Variants in WDR70 observed in about 807,000 individuals in gnomAD.
WDR70 encodes WD repeat domain 70.
A neutral mutation model predicts 88.6 loss-of-function variants in WDR70; 53 were observed. The ratio of observed to expected loss-of-function variants is 0.60; its 90% CI spans 0.48 to 0.75. The LOEUF is 0.75. Ranked by LOEUF, WDR70 falls within the 30% of genes least tolerant of loss-of-function variation. WDR70 has a pLI of 0.00. For missense variants in WDR70, 610 were observed against 823.2 expected (o/e 0.74, Z 3.17); for synonymous variants, 280 against 270.0 (o/e 1.04, Z -0.36).
At chr5:37,677,464 C>A (rs1372366084) in intron 10 of WDR70, among the ~76,000 whole-genome samples, 1 of 152,150 alleles carries the variant, frequency 6.6e-6, no homozygotes, top group South Asian at 2.1e-4. Context: ...CAAAGAACAT[C>A]TTTATTTCTG....
At chr5:37,733,577 C>T (rs184808770) in intron 17 of WDR70, among the ~76,000 whole-genome samples, 243 of 152,070 alleles carry the variant, frequency 1.6e-3, no homozygotes, top group African/African-American at 5.3e-3. Flanking sequence ...TCTGTTCTGT[C>T]AATTGGTCTG....
intron 13 of WDR70, among the ~76,000 whole-genome samples, chr5:37,720,110 C>T (rs1747765532): frequency 2.0e-5 from 3 of 152,082 alleles, no homozygotes. Context: ...AAATTCAGCC[C>T]AAAGTAGATT....
chr5:37,388,425 A>AATTT (rs1581241964), intron 3 of WDR70, among the ~76,000 whole-genome samples: 1 of 14,470 alleles, frequency 6.9e-5, no homozygotes, highest in East Asian at 3.2e-3. Flanking sequence ...TGAAATACAG[A>AATTT]CTTTTTTTTT....
intron 9 of WDR70, among the ~76,000 whole-genome samples, chr5:37,538,998 G>A (rs1188713947): frequency 6.6e-6 from 1 of 152,120 alleles, no homozygotes; most frequent in African/African-American, 2.4e-5. Context: ...TTTTTACTAA[G>A]CCAGTTCCAA....
In WDR70 at chr5:37,420,775, G is replaced by A. The variant is rs568608954; in HGVS notation, c.493-17147G>A. ...AAAAATACAAAAAAATAAGCCGAGT[G>A]TGCTGGTACGTGCCTGTAGTCCCAG... On this transcript the variant is annotated intron_variant, in intron 5 of 17. Transcript: ENST00000265107. Among the ~76,000 whole-genome samples the A allele has an allele frequency of 6.5e-4, 99 of 152,188 alleles. 1 individual carries two copies. The South Asian group carries it at 0.02, about 31-fold the overall frequency.
intron 17 of WDR70, among the ~76,000 whole-genome samples, chr5:37,743,232 C>T (rs6875762): frequency 3.9e-4 from 59 of 152,320 alleles, no homozygotes; most frequent in African/African-American, 1.3e-3. Context: ...CTAAGGGAGG[C>T]GGTGAGTGAA....
At chr5:37,398,330 T>C (rs942547272) in intron 5 of WDR70, among the ~76,000 whole-genome samples, 9 of 151,814 alleles carry the variant, frequency 5.9e-5, no homozygotes, top group Admixed American at 3.9e-4. Flanking sequence ...CCTCGTGATC[T>C]GCCCGCCTCG....
chr5:37,624,065 G>A (rs4869538), intron 10 of WDR70, among the ~76,000 whole-genome samples: 63,807 of 151,792 alleles, frequency 0.42, 15,147 homozygotes, highest in Non-Finnish European at 0.53. Flanking sequence ...TTTCAGTATC[G>A]TCATTCCAGC....
At chr5:37,742,453 G>A (rs1229542792) in intron 17 of WDR70, among the ~76,000 whole-genome samples, 2 of 151,922 alleles carry the variant, frequency 1.3e-5, no homozygotes, top group African/African-American at 4.8e-5. Context: ...TATTGTTGTT[G>A]TTGTAGGAGT....
Position 37,727,056 on chromosome 5 carries a change from A to C in WDR70, c.1877+11A>C. ...TCCAGCATATTCCAAGTGAGAATAT[A>C]GCTTTTTAAAACAGGAAAATTGTTA... On this transcript the variant is annotated intron_variant, in intron 17 of 17. Coordinates refer to ENST00000265107, the MANE Select transcript of WDR70 (RefSeq NM_018034.4). 1 of 1,598,764 alleles carries C rather than the reference A, an allele frequency of 6.3e-7. No homozygotes were observed. The highest frequency in any genetic ancestry group is 1.1e-5 in the South Asian group (1 of 87,362).
At chr5:37,705,378 A>C (rs139450161) in intron 13 of WDR70, among the ~76,000 whole-genome samples, 333 of 152,272 alleles carry the variant, frequency 2.2e-3, no homozygotes, top group African/African-American at 7.7e-3. Context: ...TACAATATTG[A>C]ATCATCTGAG....
chr5:37,462,344 C>G (rs1164424115), intron 7 of WDR70, among the ~76,000 whole-genome samples: 1 of 151,984 alleles, frequency 6.6e-6, no homozygotes, highest in Non-Finnish European at 1.5e-5. Flanking sequence ...GCTCATTCGC[C>G]CAGGCTGTAG....
intron 13 of WDR70, among the ~76,000 whole-genome samples, chr5:37,720,707 C>T (rs1325963798): frequency 6.6e-6 from 1 of 152,182 alleles, no homozygotes; most frequent in African/African-American, 2.4e-5. Context: ...ACCACCTGGT[C>T]TCAATCTGCT....
chr5:37,526,979 G>T (rs1383112586), intron 9 of WDR70, among the ~76,000 whole-genome samples: 2 of 152,186 alleles, frequency 1.3e-5, no homozygotes, highest in East Asian at 3.8e-4. Context: ...TGAAATGAAA[G>T]AGGACACAAA....
chr5:37,697,646 T>C lies in WDR70; in HGVS notation c.1093-9T>C. 1.9e-6 allele frequency: 3 copies of C among 1,612,016 alleles called. No homozygotes were observed. The highest frequency in any genetic ancestry group is 2.2e-5 in the South Asian group (2 of 90,996). On this transcript the variant is annotated splice_polypyrimidine_tract_variant and intron_variant, in intron 10 of 17. Coordinates refer to ENST00000265107, the MANE Select transcript of WDR70 (RefSeq NM_018034.4). ...GAGATATTAACACTTTGTTTGTCTT[T>C]GTGAATAGGTTCATCCTAAGTTCCA...
chr5:37,584,313 C>T (rs1743304327), intron 9 of WDR70, among the ~76,000 whole-genome samples: 1 of 152,168 alleles, frequency 6.6e-6, no homozygotes, highest in Non-Finnish European at 1.5e-5. Flanking sequence ...TTTGACATTT[C>T]ACGATTTCTT....
intron 15 of WDR70, chr5:37,724,608 C>G (rs1747916293): frequency 4.5e-6 from 1 of 220,624 alleles, no homozygotes; most frequent in Non-Finnish European, 9.0e-6. Flanking sequence ...AAATAAGAGG[C>G]AGTCCCAATA....
intron 9 of WDR70, among the ~76,000 whole-genome samples, chr5:37,583,721 ATTATGT>A (rs1168296880): frequency 6.6e-6 from 1 of 151,762 alleles, no homozygotes; most frequent in Non-Finnish European, 1.5e-5. Flanking sequence ...TTTCTCATTG[ATTATGT>A]TAATTGGGAG....
At chr5:37,550,918 G>A (rs907447058) in intron 9 of WDR70, among the ~76,000 whole-genome samples, 1 of 151,978 alleles carries the variant, frequency 6.6e-6, no homozygotes, top group African/African-American at 2.4e-5. Context: ...GTTACTATGA[G>A]GCTTGCAGAT....
Sources: gnomAD v4.1 joint callset for allele counts (sites outside exome capture counted in the v4.1 genomes callset) on GRCh38, gnomAD v4.1.1 for gene constraint, MANE v1.5 for transcripts, NCBI Gene and HGNC (gene_info 2026-07-23, HGNC 2026-07-21) for gene names.